SBF2: variants seen among roughly 807,000 people sequenced by gnomAD.
The protein encoded by SBF2 is SET binding factor 2, also known as myotubularin-related protein 13.
Under a neutral mutation model 225.2 loss-of-function variants are expected in SBF2, and 112 were observed. The observed-to-expected ratio is 0.50, with a 90% CI of 0.43 to 0.58. SBF2 has a LOEUF of 0.58. Among genes scored for constraint, SBF2 ranks in the 20% least tolerant of loss-of-function variants. The pLI, the probability that SBF2 is intolerant of heterozygous loss-of-function variation, is 0.00. For missense variants in SBF2, 1,996 were observed against 2,206.2 expected (o/e 0.90, Z 1.91); for synonymous variants, 763 against 773.3 (o/e 0.99, Z 0.22).
chr11:10,050,864 T>C (rs1447713139), intron 2 of SBF2, among the ~76,000 whole-genome samples: 1 of 152,154 alleles, frequency 6.6e-6, no homozygotes. Context: ...AACCAATGAA[T>C]TGTTTCTGGA....
chr11:9,993,945 T>TG lies in SBF2; in HGVS notation c.1028dup (p.Ala344SerfsTer10). On this transcript the variant is annotated frameshift_variant, in exon 10 of 40. Transcript: ENST00000256190. LOFTEE classifies it high-confidence loss of function. ...CCAGCATTTTTGAGTGGGATAAAGC[T>TG]GTTCGTGGAGGAGGAAAAGCATGAT... is the stretch of plus-strand genomic sequence containing the variant. The TG allele has an allele frequency of 1.6e-6, 2 of 1,275,338 alleles. No individual in the cohort carries two copies. Among genetic ancestry groups the TG allele is most frequent in the Non-Finnish European group, 2.3e-6 (2 of 870,736 alleles). The allele number at this position is 1,275,338 out of a possible 1,614,324, so 79.0% of individuals were successfully genotyped here.
At chr11:10,203,147 G>C (rs1320240030) in intron 1 of SBF2, among the ~76,000 whole-genome samples, 1 of 152,012 alleles carries the variant, frequency 6.6e-6, no homozygotes, top group Non-Finnish European at 1.5e-5. Flanking sequence ...GGGAATCTAG[G>C]GAACCCAAAG....
chr11:10,063,986 T>G (rs1950548533), intron 2 of SBF2, among the ~76,000 whole-genome samples: 2 of 151,864 alleles, frequency 1.3e-5, no homozygotes, highest in Non-Finnish European at 2.9e-5. Context: ...TAAGAAATAA[T>G]GGCAAAACTA....
At chr11:10,248,974 T>C (rs1020760192) in intron 1 of SBF2, among the ~76,000 whole-genome samples, 6 of 151,934 alleles carry the variant, frequency 3.9e-5, no homozygotes, top group Non-Finnish European at 8.8e-5. Flanking sequence ...CGGGAGCCTG[T>C]AGTCCCAGCT....
chr11:10,215,137 T>C (rs1335607849), intron 1 of SBF2, among the ~76,000 whole-genome samples: 1 of 152,168 alleles, frequency 6.6e-6, no homozygotes, highest in African/African-American at 2.4e-5. Context: ...CATTCTACTT[T>C]TCTCATAATC....
chr11:9,965,893 A>T (rs565444045), intron 14 of SBF2, among the ~76,000 whole-genome samples: 2 of 152,194 alleles, frequency 1.3e-5, no homozygotes, highest in African/African-American at 4.8e-5. Context: ...TGCTTCCCAC[A>T]CACATAGGTT....
At chr11:10,072,006 C>A (rs975618095) in intron 2 of SBF2, among the ~76,000 whole-genome samples, 4 of 152,116 alleles carry the variant, frequency 2.6e-5, no homozygotes, top group Non-Finnish European at 5.9e-5. Flanking sequence ...TCACCTCCAG[C>A]CATATTAATC....
chr11:9,878,558 T>C (rs899083043), intron 17 of SBF2, among the ~76,000 whole-genome samples: 2 of 152,342 alleles, frequency 1.3e-5, no homozygotes, highest in Admixed American at 6.5e-5. Flanking sequence ...TGTGTACATA[T>C]AGTCTGTCTC....
chr11:10,128,837 A>AT (rs1953887817), intron 2 of SBF2, among the ~76,000 whole-genome samples: 1 of 152,220 alleles, frequency 6.6e-6, no homozygotes, highest in African/African-American at 2.4e-5. Flanking sequence ...CGTAGGGGAA[A>AT]TAAGTTTGTT....
chr11:9,784,495 A>C, intron 37 of SBF2, 57 bp from the exon 38 acceptor site: 2 of 1,308,066 alleles, frequency 1.5e-6, no homozygotes, highest in Non-Finnish European at 2.2e-6. Context: ...AAATGCTGTA[A>C]AGGGGAGGGG....
At chr11:10,036,615 T>C (rs1422235287) in intron 3 of SBF2, among the ~76,000 whole-genome samples, 1 of 152,140 alleles carries the variant, frequency 6.6e-6, no homozygotes, top group Non-Finnish European at 1.5e-5. Flanking sequence ...AAATCAGTAA[T>C]CACATGCCCA....
At chr11:10,079,541 A>C (rs1349268065) in intron 2 of SBF2, among the ~76,000 whole-genome samples, 2 of 152,220 alleles carry the variant, frequency 1.3e-5, no homozygotes, top group Non-Finnish European at 2.9e-5. Flanking sequence ...CCAGTTAGAC[A>C]AAAGTTTTTT....
At chr11:9,861,898 CA>C (rs1857781711) in intron 17 of SBF2, among the ~76,000 whole-genome samples, 1 of 152,068 alleles carries the variant, frequency 6.6e-6, no homozygotes, top group Non-Finnish European at 1.5e-5. Flanking sequence ...ATAGTTTGAG[CA>C]AAAGTGGGAC....
chr11:10,290,464 G>T (rs1191310039), intron 1 of SBF2, among the ~76,000 whole-genome samples: 1 of 152,144 alleles, frequency 6.6e-6, no homozygotes, highest in African/African-American at 2.4e-5. Context: ...AACATGAGGA[G>T]TCATAACCAG....
chr11:9,780,787 G>C (rs1851954543), intron 39 of SBF2: 1 of 450,946 alleles, frequency 2.2e-6, no homozygotes, highest in East Asian at 4.7e-5. Context: ...CTTTGACTAA[G>C]GAGGAAGGGT....
intron 1 of SBF2, among the ~76,000 whole-genome samples, chr11:10,226,065 C>T (rs568738840): frequency 4.3e-4 from 65 of 152,028 alleles, no homozygotes; most frequent in Non-Finnish European, 7.4e-4. Context: ...TTTAAATGAC[C>T]TATGTGTCAT....
chr11:10,227,311 A>C (rs1358087423), intron 1 of SBF2, among the ~76,000 whole-genome samples: 1 of 152,050 alleles, frequency 6.6e-6, no homozygotes, highest in African/African-American at 2.4e-5. Context: ...GCTGTGCAGA[A>C]GCTCTTTAGT....
intron 16 of SBF2, among the ~76,000 whole-genome samples, chr11:9,926,807 C>G (rs1864090803): frequency 6.6e-6 from 1 of 151,984 alleles, no homozygotes; most frequent in African/African-American, 2.4e-5. Context: ...AGAAAGGTTT[C>G]AAATCAATCA....
At position 9,850,049 on chromosome 11, in the gene SBF2, A is replaced by T; in HGVS notation, c.2780T>A (p.Phe927Tyr). ...ALFLTTYRILFRGTPHDQLVG... is the reference protein window; with the variant it reads ...ALFLTTYRILYRGTPHDQLVG... ...TAACTGATCATGGGGTGTTCCTCTG[A>T]AGAGAATTCTGTATGTGGTGAGGAA... Residue 927 changes from phenylalanine to tyrosine, a missense_variant, in exon 22 of 40, where the codon TTC becomes TAC. Transcript: ENST00000256190. 6.2e-7 allele frequency: 1 copy of T among 1,614,050 alleles called. No individual in the cohort carries two copies. The highest frequency in any genetic ancestry group is 1.7e-5 in the Admixed American group (1 of 60,012).
Sources: allele counts gnomAD v4.1 joint callset (sites outside exome capture counted in the v4.1 genomes callset), GRCh38; gene constraint gnomAD v4.1.1; transcripts MANE v1.5; gene names NCBI Gene and HGNC (gene_info 2026-07-23, HGNC 2026-07-21).